BFSP2: variants seen among roughly 807,000 people sequenced by gnomAD.
BFSP2 encodes beaded filament structural protein 2.
In BFSP2, 38 loss-of-function variants were observed where a neutral mutation model predicts 44.9. The observed-to-expected ratio is 0.85, with a 90% CI of 0.65 to 1.11. The LOEUF is 1.11. Among genes scored for constraint, BFSP2 ranks in the 50% least tolerant of loss-of-function variants. The pLI, the probability that BFSP2 is intolerant of heterozygous loss-of-function variation, is 0.00. For synonymous variants in BFSP2, 197 were observed against 209.9 expected, an observed-to-expected ratio of 0.94 and a Z score of 0.53; for missense variants, 525 against 533.0, an observed-to-expected ratio of 0.99 and a Z score of 0.15.
chr3:133,467,300 C>G (rs544441481), intron 5 of BFSP2, among the ~76,000 whole-genome samples: 1 of 152,356 alleles, frequency 6.6e-6, no homozygotes, highest in South Asian at 2.1e-4. Flanking sequence ...GCCCTGCCCC[C>G]CAAGGCTCAG....
intron 4 of BFSP2, chr3:133,455,611 A>T (rs2074006523): frequency 6.6e-6 from 1 of 152,200 alleles, no homozygotes; most frequent in African/African-American, 2.4e-5. Context: ...TTGTCATCTA[A>T]CATAATTTAA....
chr3:133,430,402 T>G (rs1335218201), intron 1 of BFSP2, among the ~76,000 whole-genome samples: 1 of 151,696 alleles, frequency 6.6e-6, no homozygotes, highest in Non-Finnish European at 1.5e-5. Flanking sequence ...TTTCTCCACA[T>G]CCTCTCCAGC....
rs749995797 is a variant in BFSP2 at position 133,400,419 on chromosome 3, G to A, written c.336G>A (p.Gly112=). The stretch of plus-strand genomic sequence containing the variant: ...ACCATGGTGCTGTTGAGGACCTAGG[G>A]GGCTGCCTGGTGGAATATATGGCCA... ...ERDHGAVEDL[G]GCLVEYMAKV... The change falls in exon 1 of 7, where the codon GGG becomes GGA. Residue 112 remains glycine, a synonymous_variant. Coordinates refer to ENST00000302334, the MANE Select transcript of BFSP2 (RefSeq NM_003571.4). The surrounding 1 kb of genome is among the most constrained non-coding windows in gnomAD (Gnocchi z 4.0). 1.9e-6 allele frequency: 3 copies of A among 1,614,088 alleles called. No individual in the cohort carries two copies. The highest frequency in any genetic ancestry group is 2.2e-5 in the South Asian group (2 of 91,086).
At chr3:133,414,005 C>G (rs191100346) in intron 1 of BFSP2, among the ~76,000 whole-genome samples, 1 of 151,724 alleles carries the variant, frequency 6.6e-6, no homozygotes, top group African/African-American at 2.4e-5. Context: ...CCCTACTCAT[C>G]CCTGTCCGCT....
intron 4 of BFSP2, among the ~76,000 whole-genome samples, chr3:133,463,291 A>T (rs1339184272): frequency 6.6e-6 from 1 of 152,176 alleles, no homozygotes; most frequent in Non-Finnish European, 1.5e-5. Context: ...CCTGGGGGAC[A>T]AGAGCAAGAC....
intron 1 of BFSP2, among the ~76,000 whole-genome samples, chr3:133,430,886 C>G (rs891897369): frequency 2.0e-5 from 3 of 152,144 alleles, no homozygotes; most frequent in Non-Finnish European, 4.4e-5. Flanking sequence ...TTATCACCTC[C>G]CCTCCTCACA....
rs552957815 is a variant in BFSP2 at position 133,474,166 on chromosome 3, A to T, written c.1245-803A>T. On this transcript the variant is annotated intron_variant, in intron 6 of 6. Transcript: ENST00000302334. ...AGCTTCCTTGCCAACTCTTTCCAGA[A>T]ACCCAGGCCCTTATTTTGTATCATA... Among the ~76,000 whole-genome samples, 4 of 152,290 alleles carry T rather than the reference A, an allele frequency of 2.6e-5. No individual in the cohort carries two copies. In the South Asian group the frequency reaches 8.3e-4, roughly 32 times the overall value.
intron 1 of BFSP2, among the ~76,000 whole-genome samples, chr3:133,431,386 T>TC (rs1216021142): frequency 6.6e-6 from 1 of 151,984 alleles, no homozygotes; most frequent in Admixed American, 6.6e-5. Context: ...CAGAACCTCC[T>TC]CCCCCAGGAG....
intron 1 of BFSP2, among the ~76,000 whole-genome samples, chr3:133,420,834 G>A (rs1030853621): frequency 6.6e-6 from 1 of 152,098 alleles, no homozygotes; most frequent in Non-Finnish European, 1.5e-5. Flanking sequence ...GTGTGTCCCT[G>A]GAATCCACAC....
At chr3:133,451,341 T>TGA (rs1342488319) in intron 4 of BFSP2, among the ~76,000 whole-genome samples, 1 of 152,024 alleles carries the variant, frequency 6.6e-6, no homozygotes. Flanking sequence ...GAGGAGAAAA[T>TGA]GAGAGTACAG....
intron 1 of BFSP2, among the ~76,000 whole-genome samples, chr3:133,441,344 C>G (rs995887923): frequency 6.6e-6 from 1 of 152,102 alleles, no homozygotes; most frequent in Non-Finnish European, 1.5e-5. Flanking sequence ...TGGTGTGAGC[C>G]CCTGCACTCG....
intron 1 of BFSP2, chr3:133,429,691 A>G (rs369081259): frequency 2.0e-5 from 3 of 152,092 alleles, no homozygotes; most frequent in Non-Finnish European, 4.4e-5. Flanking sequence ...ATTGTATATG[A>G]GGGGACTTCA....
At chr3:133,408,605 T>C (rs2073423592) in intron 1 of BFSP2, among the ~76,000 whole-genome samples, 1 of 152,216 alleles carries the variant, frequency 6.6e-6, no homozygotes, top group Admixed American at 6.5e-5. Flanking sequence ...ACCAAAATAC[T>C]GGAAAAATCC....
intron 1 of BFSP2, among the ~76,000 whole-genome samples, chr3:133,408,209 TAG>T (rs1037482107): frequency 2.0e-4 from 30 of 152,300 alleles, no homozygotes; most frequent in African/African-American, 7.2e-4. Context: ...TTTTAAATGT[TAG>T]AGATATGAAC....
chr3:133,422,621 C>G (rs1390716057), intron 1 of BFSP2, among the ~76,000 whole-genome samples: 3 of 152,196 alleles, frequency 2.0e-5, no homozygotes, highest in Non-Finnish European at 4.4e-5. Context: ...CTCCGATGAG[C>G]TCATTGTCCC....
At chr3:133,472,307 G>C in intron 5 of BFSP2, 38 bp from the exon 6 acceptor site, 5 of 1,585,602 alleles carry the variant, frequency 3.2e-6, no homozygotes, top group Non-Finnish European at 4.3e-6. Flanking sequence ...GGCCCGGCCT[G>C]TTGTCCTCGG....
chr3:133,419,648 CATCTCT>C (rs2073575106), intron 1 of BFSP2, among the ~76,000 whole-genome samples: 1 of 152,256 alleles, frequency 6.6e-6, no homozygotes, highest in Non-Finnish European at 1.5e-5. Context: ...TCTGCAAGCA[CATCTCT>C]AACTGGAACT....
At chr3:133,450,779 C>T (rs748096600) in intron 4 of BFSP2, among the ~76,000 whole-genome samples, 4 of 152,070 alleles carry the variant, frequency 2.6e-5, no homozygotes, top group Non-Finnish European at 5.9e-5. Context: ...TGTTAAAATG[C>T]CCCTAGCTAC....
At chr3:133,408,413 T>C (rs1347410030) in intron 1 of BFSP2, among the ~76,000 whole-genome samples, 1 of 152,210 alleles carries the variant, frequency 6.6e-6, no homozygotes, top group East Asian at 1.9e-4. Flanking sequence ...TTGATGGGAA[T>C]AGAAAATGTT....
Sources: allele counts gnomAD v4.1 joint callset (sites outside exome capture counted in the v4.1 genomes callset), GRCh38; gene constraint gnomAD v4.1.1; non-coding constraint Gnocchi (gnomAD v3.1); transcripts MANE v1.5; gene names NCBI Gene and HGNC (gene_info 2026-07-23, HGNC 2026-07-21).